The following CYP4F22 variants were observed in gnomAD, a reference collection of about 807,000 sequenced individuals.
CYP4F22 encodes the protein cytochrome P450 family 4 subfamily F member 22, also known as ultra-long-chain fatty acid omega-hydroxylase.
In CYP4F22, 37 loss-of-function variants were observed where a neutral mutation model predicts 60.4. The ratio of observed to expected loss-of-function variants is 0.61; its 90% CI spans 0.47 to 0.81. CYP4F22 has a LOEUF of 0.81. Among genes scored for constraint, CYP4F22 ranks in the 30% least tolerant of loss-of-function variants. CYP4F22 has a pLI of 0.00. For missense variants in CYP4F22, 655 were observed against 715.0 expected, an observed-to-expected ratio of 0.92 and a Z score of 0.96; for synonymous variants, 258 against 280.5, an observed-to-expected ratio of 0.92 and a Z score of 0.80.
chr19:15,549,542 C>T (rs1023528901), intron 12 of CYP4F22, among the ~76,000 whole-genome samples: 2 of 152,078 alleles, frequency 1.3e-5, no homozygotes, highest in Non-Finnish European at 2.9e-5. Flanking sequence ...GGGCCAGTTC[C>T]GGTTTACAGG....
chr19:15,545,164 C>T (rs755889680), intron 10 of CYP4F22, among the ~76,000 whole-genome samples: 4 of 151,088 alleles, frequency 2.6e-5, no homozygotes, highest in African/African-American at 7.3e-5. Flanking sequence ...AAACAAGTCA[C>T]GTGACCAAGC....
intron 7 of CYP4F22, 110 bp downstream of exon 7, chr19:15,538,103 G>A: frequency 6.8e-7 from 1 of 1,469,686 alleles, no homozygotes; most frequent in Non-Finnish European, 9.3e-7. Flanking sequence ...TGGGAGCTCT[G>A]CCACGGATGG....
At chr19:15,516,741 C>T (rs1275317928) in intron 1 of CYP4F22, 1 of 623,002 alleles carries the variant, frequency 1.6e-6, no homozygotes, top group Middle Eastern at 3.0e-4. Context: ...TCTTTGTATT[C>T]AACCTGGAAT....
At chr19:15,546,417 C>G (rs1377137599) in intron 10 of CYP4F22, among the ~76,000 whole-genome samples, 1 of 152,142 alleles carries the variant, frequency 6.6e-6, no homozygotes, top group African/African-American at 2.4e-5. Context: ...AACCCTGTCT[C>G]TACTAAAAAT....
intron 8 of CYP4F22, among the ~76,000 whole-genome samples, chr19:15,542,603 C>G (rs981292903): frequency 6.6e-6 from 1 of 152,082 alleles, no homozygotes; most frequent in African/African-American, 2.4e-5. Context: ...AGGTTTGTTA[C>G]GTAGGTAAAC....
intron 4 of CYP4F22, among the ~76,000 whole-genome samples, chr19:15,530,058 C>G (rs980344107): frequency 6.6e-6 from 1 of 152,224 alleles, no homozygotes; most frequent in Non-Finnish European, 1.5e-5. Flanking sequence ...GTTCCAGAAA[C>G]TTCGAGGGAA....
At chr19:15,545,648 CA>C (rs1217096575) in intron 10 of CYP4F22, among the ~76,000 whole-genome samples, 935 of 38,956 alleles carry the variant, frequency 0.024, 3 homozygotes, top group African/African-American at 0.029. Context: ...GACCCTGTCT[CA>C]AAAAAAAAAA....
chr19:15,537,665 G>A lies in CYP4F22; in HGVS notation c.549+3G>A, dbSNP rs1971413592. 2 of 1,611,902 alleles carry A rather than the reference G, an allele frequency of 1.2e-6. No individual in the cohort carries two copies. Among genetic ancestry groups the A allele is most frequent in the African/African-American group, 2.7e-5 (2 of 74,942 alleles). The stretch of plus-strand genomic sequence containing the variant: ...ACCAGAGCGCTGACATTATGCATGT[G>A]AGTCCTAAGGCTTTGAGGGAAGAGG... On this transcript the variant is annotated splice_donor_region_variant and intron_variant, in intron 6 of 13. Coordinates refer to ENST00000269703, the MANE Select transcript of CYP4F22 (RefSeq NM_173483.4).
intron 4 of CYP4F22, 84 bp from the exon 5 acceptor site, chr19:15,537,277 G>A (rs1260518788): frequency 1.6e-5 from 25 of 1,566,472 alleles, no homozygotes; most frequent in Non-Finnish European, 2.2e-5. Context: ...CTCCAGCCTG[G>A]ATGACAGAGC....
intron 4 of CYP4F22, among the ~76,000 whole-genome samples, chr19:15,531,338 C>G (rs1003441748): frequency 1.3e-5 from 2 of 150,828 alleles, no homozygotes; most frequent in African/African-American, 4.9e-5. Context: ...TATGATTGCA[C>G]CACTGCTGTA....
rs62113242 is a variant in CYP4F22, at chr19:15,547,994, A to T, written c.1137-114A>T. The T allele has an allele frequency of 6.8e-4, 181 of 266,084 alleles. 8 individuals are homozygous for T. The highest frequency in any genetic ancestry group is 3.8e-3 in the African/African-American group (124 of 32,938). The allele number at this position is 266,084 out of a possible 1,614,324, so 16.5% of individuals were successfully genotyped here. A position where few individuals can be genotyped will look rare whatever the true frequency, so the allele number is the denominator to read the frequency against. Reference sequence around the variant, plus strand: ...GAGAGAGAGAGAGAGAGAGAGAGAGAGGGAGAGAGTGTGTGTGTGTGTGTG... The same window carrying T: ...GAGAGAGAGAGAGAGAGAGAGAGAGTGGGAGAGAGTGTGTGTGTGTGTGTG... On this transcript the variant is annotated intron_variant, in intron 10 of 13. Transcript: ENST00000269703.
chr19:15,536,726 G>C (rs550658135), intron 4 of CYP4F22, among the ~76,000 whole-genome samples: 1 of 152,314 alleles, frequency 6.6e-6, no homozygotes, highest in South Asian at 2.1e-4. Context: ...CAGGCGATGA[G>C]AATAGGGTTA....
chr19:15,541,673 G>A (rs1971464039), intron 8 of CYP4F22, among the ~76,000 whole-genome samples: 3 of 152,100 alleles, frequency 2.0e-5, no homozygotes, highest in South Asian at 2.1e-4. Context: ...TTGAGGTCAG[G>A]AATTCGAGAC....
chr19:15,551,651 T>TCCGCC lies in CYP4F22; in HGVS notation c.*182_*183insGCCCC. 2 of 803,806 alleles carry TCCGCC rather than the reference T, an allele frequency of 2.5e-6. No homozygotes were observed. The highest frequency in any genetic ancestry group is 3.8e-6 in the Non-Finnish European group (2 of 521,916). 49.8% of individuals were successfully genotyped at this position (803,806 alleles called of 1,614,324 possible). A position where few individuals can be genotyped will look rare whatever the true frequency, so the allele number is the denominator to read the frequency against. On this transcript the variant is annotated 3_prime_UTR_variant, in exon 14 of 14. Coordinates refer to ENST00000269703, the MANE Select transcript of CYP4F22 (RefSeq NM_173483.4). ...CTGGCCACGCCCCTCAAGGCAAGGC[T>TCCGCC]CCTCCCCTTAGGGGGCCTGATCCCG...
intron 3 of CYP4F22, among the ~76,000 whole-genome samples, chr19:15,526,651 C>A (rs1971286211): frequency 6.6e-6 from 1 of 152,124 alleles, no homozygotes; most frequent in African/African-American, 2.4e-5. Flanking sequence ...GGTTCAAACC[C>A]AGCCTGTCAA....
chr19:15,521,344 G>T (rs1273402640), intron 1 of CYP4F22, among the ~76,000 whole-genome samples: 3 of 150,922 alleles, frequency 2.0e-5, no homozygotes, highest in Middle Eastern at 3.5e-3. Context: ...CGATTCCTGG[G>T]CCTCAGCCTC....
chr19:15,521,819 C>G (rs1440872418), intron 1 of CYP4F22, among the ~76,000 whole-genome samples: 2 of 152,104 alleles, frequency 1.3e-5, no homozygotes, highest in East Asian at 3.9e-4. Context: ...CACAGACATG[C>G]ACCACCATGC....
In CYP4F22 at chr19:15,537,374, C is replaced by T. The variant is rs765911617; in HGVS notation, c.381C>T (p.Pro127=). Residue 127 remains proline, a synonymous_variant, in exon 5 of 14, where the codon CCC becomes CCT. Coordinates refer to ENST00000269703, the MANE Select transcript of CYP4F22 (RefSeq NM_173483.4). ...PLLGASAAIA[P]KDDLFYGFLK... The stretch of plus-strand genomic sequence containing the variant: ...TGCCCTCCACAGCTGCCATCGCCCC[C>T]AAGGATGACCTCTTCTATGGCTTCC... The T allele has an allele frequency of 3.1e-6, 5 of 1,614,064 alleles. No homozygotes were observed. The highest frequency in any genetic ancestry group is 4.2e-6 in the Non-Finnish European group (5 of 1,180,018).
chr19:15,542,852 G>T (rs1171512199), intron 8 of CYP4F22, among the ~76,000 whole-genome samples: 1 of 152,084 alleles, frequency 6.6e-6, no homozygotes, highest in Non-Finnish European at 1.5e-5. Flanking sequence ...ATGGCTTCCA[G>T]CTCCATTCAG....
Sources: gnomAD v4.1 joint callset for allele counts (sites outside exome capture counted in the v4.1 genomes callset) on GRCh38, gnomAD v4.1.1 for gene constraint, MANE v1.5 for transcripts, NCBI Gene and HGNC (gene_info 2026-07-23, HGNC 2026-07-21) for gene names.